Variants in AQP7 observed in about 807,000 individuals in gnomAD.
AQP7 encodes the protein aquaporin 7, also known as aquaporin-7.
AQP7 carries 22 observed loss-of-function variants against 26.1 expected under a neutral mutation model. That is an observed-to-expected ratio of 0.84 (90% CI 0.60 to 1.20). The LOEUF is 1.20. Ranked by LOEUF, AQP7 falls within the 50% of genes most tolerant of loss-of-function variation. The pLI is 0.00. For missense variants in AQP7, 412 were observed against 457.5 expected (o/e 0.90, Z 0.91); for synonymous variants, 167 against 181.7 (o/e 0.92, Z 0.65).
chr9:33,401,346 C>T (rs1379703232), intron 1 of AQP7, 59 bp from the exon 2 acceptor site: 205 of 1,416,290 alleles, frequency 1.4e-4, no homozygotes, highest in Non-Finnish European at 1.9e-4. Context: ...CCCCACACTT[C>T]CATCAGACCT....
chr9:33,386,879 G>A, intron 4 of AQP7, 90 bp downstream of exon 4: 1 of 1,576,042 alleles, frequency 6.3e-7, no homozygotes, highest in Non-Finnish European at 8.6e-7. Context: ...CACTGGCTGT[G>A]CTGGCAAAGA....
At chr9:33,395,422 G>T in intron 2 of AQP7, 1 of 538,528 alleles carries the variant, frequency 1.9e-6, no homozygotes. Context: ...TTCTAGTTGG[G>T]ACTGGACCAG....
chr9:33,395,406 T>C (rs1368639643), intron 2 of AQP7: 8 of 578,548 alleles, frequency 1.4e-5, no homozygotes, highest in South Asian at 6.2e-5. Context: ...GGCCAGGCCA[T>C]GCCCCTTCTA....
At chr9:33,387,308 G>A (rs1824937046) in intron 3 of AQP7, among the ~76,000 whole-genome samples, 1 of 152,120 alleles carries the variant, frequency 6.6e-6, no homozygotes, top group Non-Finnish European at 1.5e-5. Flanking sequence ...GCCACTGAGA[G>A]CCGGGTGGAG....
At chr9:33,388,733 A>G (rs1040612343) in intron 3 of AQP7, among the ~76,000 whole-genome samples, 2 of 152,234 alleles carry the variant, frequency 1.3e-5, no homozygotes, top group Non-Finnish European at 2.9e-5. Context: ...TGGCTTGTCC[A>G]AGGTCACACA....
At chr9:33,393,151 A>C (rs1198680381) in intron 3 of AQP7, among the ~76,000 whole-genome samples, 3 of 152,156 alleles carry the variant, frequency 2.0e-5, no homozygotes, top group African/African-American at 7.2e-5. Context: ...TCACTTGAGT[A>C]TGGGAGGTGG....
chr9:33,395,419 TG>T, intron 2 of AQP7: 1 of 559,694 alleles, frequency 1.8e-6, no homozygotes, highest in South Asian at 2.2e-5. Flanking sequence ...CCCTTCTAGT[TG>T]GGACTGGACC....
At chr9:33,398,850 C>T (rs1826038142) in intron 2 of AQP7, among the ~76,000 whole-genome samples, 1 of 152,006 alleles carries the variant, frequency 6.6e-6, no homozygotes, top group African/African-American at 2.4e-5. Context: ...AAGAGGGGCC[C>T]AAGAAAGCCA....
intron 2 of AQP7, among the ~76,000 whole-genome samples, chr9:33,400,185 A>G (rs1826157708): frequency 6.6e-6 from 1 of 152,226 alleles, no homozygotes; most frequent in African/African-American, 2.4e-5. Flanking sequence ...TACAACAGGC[A>G]AATATCCCTG....
At chr9:33,401,083 T>G (rs1399044124) in intron 2 of AQP7, 154 bp downstream of exon 2, 1 of 803,532 alleles carries the variant, frequency 1.2e-6, no homozygotes, top group African/African-American at 1.7e-5. Context: ...GCTCTTCTTC[T>G]GGGACCTCAG....
intron 3 of AQP7, among the ~76,000 whole-genome samples, chr9:33,392,935 C>G (rs1403372312): frequency 6.6e-6 from 1 of 152,110 alleles, no homozygotes; most frequent in East Asian, 1.9e-4. Context: ...AATAAGGAAG[C>G]TACAGTTGTG....
At chr9:33,390,184 T>A (rs1391944727) in intron 3 of AQP7, among the ~76,000 whole-genome samples, 1 of 152,092 alleles carries the variant, frequency 6.6e-6, no homozygotes, top group Non-Finnish European at 1.5e-5. Flanking sequence ...TTGTGTTGTT[T>A]TCAGTGGAGA....
chr9:33,397,718 C>T lies in AQP7; in HGVS notation c.27-2523G>A, dbSNP rs575396727. ...AATGCTGCTGCTCTCCCTAGCAGGG[C>T]GAGGTGACCCTCCACTGGCCCCCAT... On this transcript the variant is annotated intron_variant, in intron 2 of 7. Transcript: ENST00000297988. 2.0e-3 allele frequency among the ~76,000 whole-genome samples: 299 copies of T among 151,978 alleles called. 3 individuals carry two copies. Among genetic ancestry groups the T allele is most frequent in the Admixed American group, 0.017 (259 of 15,258 alleles).
At chr9:33,390,230 G>C (rs180981801) in intron 3 of AQP7, among the ~76,000 whole-genome samples, 6 of 152,136 alleles carry the variant, frequency 3.9e-5, no homozygotes, top group Non-Finnish European at 8.8e-5. Context: ...AGAGGGACAG[G>C]CTGAAGATAA....
chr9:33,392,299 C>CA (rs36017412), intron 3 of AQP7, among the ~76,000 whole-genome samples: 9,725 of 118,606 alleles, frequency 0.082, 376 homozygotes, highest in East Asian at 0.18. Flanking sequence ...GACTGTATCT[C>CA]AAAAAAAAAA....
intron 2 of AQP7, among the ~76,000 whole-genome samples, chr9:33,399,854 A>C (rs1271769859): frequency 6.6e-6 from 1 of 152,066 alleles, no homozygotes; most frequent in Admixed American, 6.6e-5. Context: ...TGGTGGTAGA[A>C]AGAATGGTGG....
intron 2 of AQP7, among the ~76,000 whole-genome samples, chr9:33,396,384 G>A (rs1466163594): frequency 2.1e-5 from 3 of 143,292 alleles, no homozygotes; most frequent in African/African-American, 7.9e-5. Context: ...GTTGTGGTGA[G>A]CCGAGATCTT....
rs1242164755 is a variant in AQP7, at chr9:33,394,482, CTCTCT to C, written c.144+591_144+595del. On this transcript the variant is annotated intron_variant, in intron 3 of 7. Transcript: ENST00000297988. ...CATCAAGTTTCTCTTCAATCTCTCT[CTCTCT>C]TTTTTTTTTTTTTTCTTTTTTTTTT... Among the ~76,000 whole-genome samples, 385 of 137,232 alleles carry C rather than the reference CTCTCT, an allele frequency of 2.8e-3. 1 individual carries two copies. The highest frequency in any genetic ancestry group is 7.1e-3 in the Middle Eastern group (2 of 280). 90.0% of individuals were successfully genotyped at this position (137,232 alleles called of 152,430 possible).
In AQP7 at chr9:33,385,204, C is replaced by T. The variant is rs760785390; in HGVS notation, c.830G>A (p.Gly277Asp). ...CAGGGGCTCCCGTGGGATGGTGGAG[C>T]CAATGAAGACCAGGTAGATGATGCC... is the stretch of plus-strand genomic sequence containing the variant. ...LGGIIYLVFI[G>D]STIPREPLKL... The change falls in exon 8 of 8, where the codon GGC becomes GAC. Residue 277 changes from glycine (G) to aspartate (D), a missense_variant. Coordinates refer to ENST00000297988, the MANE Select transcript of AQP7 (RefSeq NM_001170.3). 6.7e-5 allele frequency: 108 copies of T among 1,611,758 alleles called. No homozygotes were observed. The Admixed American group carries it at 1.5e-3, about 23-fold the overall frequency.
Sources: gnomAD v4.1 joint callset for allele counts (sites outside exome capture counted in the v4.1 genomes callset) on GRCh38, gnomAD v4.1.1 for gene constraint, MANE v1.5 for transcripts, NCBI Gene and HGNC (gene_info 2026-07-23, HGNC 2026-07-21) for gene names.